Variants in MYZAP observed in about 807,000 individuals in gnomAD.
MYZAP encodes the protein myocardial zonula adherens protein, also known as GRINL1A complex locus upstream.
MYZAP carries 66 observed loss-of-function variants against 69.4 expected under a neutral mutation model. That is an observed-to-expected ratio of 0.95 (90% confidence interval 0.78 to 1.17). The LOEUF is 1.17. Among genes scored for constraint, MYZAP ranks in the 50% most tolerant of loss-of-function variants. The pLI is 0.00. For missense variants in MYZAP, 611 were observed against 556.2 expected, an observed-to-expected ratio of 1.10 and a Z score of -0.99; for synonymous variants, 256 against 205.9, an observed-to-expected ratio of 1.24 and a Z score of -2.09.
At chr15:57,595,961 C>T (rs1253581592) in intron 1 of MYZAP, among the ~76,000 whole-genome samples, 11 of 152,162 alleles carry the variant, frequency 7.2e-5, no homozygotes, top group African/African-American at 2.4e-4. Context: ...GGAACCAAGG[C>T]GTCCTCTGGG....
At position 57,591,928 on chromosome 15, in the gene MYZAP, A is replaced by G. The variant is rs2033684330; in HGVS notation, c.-107A>G. ...CCTTCGCGGTGCAGCTGAGGCTGCA[A>G]GTAGCCGGCGCCGTCCCGCGTCGCC... On this transcript the variant is annotated 5_prime_UTR_variant, in exon 1 of 13. Transcript: ENST00000267853. 4 of 1,092,628 alleles carry G rather than the reference A, an allele frequency of 3.7e-6. No homozygotes were observed. In the South Asian group the frequency reaches 1.5e-4, roughly 42 times the overall value. 67.7% of individuals were successfully genotyped at this position (1,092,628 alleles called of 1,614,324 possible). A position where few individuals can be genotyped will look rare whatever the true frequency, so the allele number is the denominator to read the frequency against.
intron 11 of MYZAP, among the ~76,000 whole-genome samples, chr15:57,662,749 G>T (rs919743368): frequency 2.6e-5 from 4 of 152,174 alleles, no homozygotes; most frequent in Admixed American, 6.5e-5. Context: ...TCTGCCCAAG[G>T]TTACAGTAGA....
intron 12 of MYZAP, among the ~76,000 whole-genome samples, chr15:57,676,868 G>A (rs1323703710): frequency 1.3e-5 from 2 of 152,168 alleles, no homozygotes; most frequent in African/African-American, 4.8e-5. Context: ...GAACTTGGAA[G>A]CCACTTCAGT....
intron 10 of MYZAP, among the ~76,000 whole-genome samples, chr15:57,651,960 T>C (rs1330813009): frequency 6.6e-6 from 1 of 152,162 alleles, no homozygotes; most frequent in Admixed American, 6.5e-5. Context: ...AATTACATTA[T>C]TTTACCTCAG....
intron 8 of MYZAP, among the ~76,000 whole-genome samples, chr15:57,634,877 G>A (rs187900902): frequency 6.6e-6 from 1 of 152,174 alleles, no homozygotes; most frequent in African/African-American, 2.4e-5. Context: ...TTGACCAGAG[G>A]GGGTGGTGGT....
intron 11 of MYZAP, among the ~76,000 whole-genome samples, chr15:57,671,155 T>C (rs1289168785): frequency 3.9e-5 from 6 of 152,158 alleles, no homozygotes; most frequent in African/African-American, 7.2e-5. Flanking sequence ...TTTTCTTATC[T>C]GAAAGTAAGG....
intron 11 of MYZAP, among the ~76,000 whole-genome samples, chr15:57,671,424 C>T (rs2038861666): frequency 6.6e-6 from 1 of 151,988 alleles, no homozygotes; most frequent in Non-Finnish European, 1.5e-5. Flanking sequence ...AAATTTATGT[C>T]TTTAACTAAA....
At chr15:57,612,921 A>G (rs561661973) in intron 2 of MYZAP, among the ~76,000 whole-genome samples, 1 of 152,032 alleles carries the variant, frequency 6.6e-6, no homozygotes, top group Admixed American at 6.5e-5. Context: ...CTACACTTTA[A>G]TTAAGCCTTT....
chr15:57,616,036 C>G (rs2035418493), intron 2 of MYZAP, among the ~76,000 whole-genome samples: 1 of 152,192 alleles, frequency 6.6e-6, no homozygotes, highest in Non-Finnish European at 1.5e-5. Context: ...GCGCCCCTAC[C>G]CCATCCATGG....
At chr15:57,597,041 T>C (rs1487334122) in intron 1 of MYZAP, among the ~76,000 whole-genome samples, 1 of 152,180 alleles carries the variant, frequency 6.6e-6, no homozygotes, top group Non-Finnish European at 1.5e-5. Flanking sequence ...ACAGTTAACA[T>C]TGAATTGGCA....
chr15:57,679,375 T>TGTGTG (rs1555465672), intron 12 of MYZAP, among the ~76,000 whole-genome samples: 14,627 of 114,828 alleles, frequency 0.13, 918 homozygotes, highest in Admixed American at 0.18. Context: ...TGTGTGTGTG[T>TGTGTG]TTCTCTCTCT....
At chr15:57,600,008 A>G (rs963765520) in intron 1 of MYZAP, among the ~76,000 whole-genome samples, 6 of 152,214 alleles carry the variant, frequency 3.9e-5, no homozygotes, top group African/African-American at 1.4e-4. Flanking sequence ...AAAACCTTAC[A>G]TATCTTAACA....
chr15:57,633,659 A>G lies in MYZAP; in HGVS notation c.851A>G (p.Lys284Arg), dbSNP rs2036640387. Residue 284 changes from lysine to arginine, a missense_variant, in exon 8 of 13, where the codon AAG becomes AGG. Lys to Arg is a conservative substitution (Grantham distance 26, BLOSUM62 2). Coordinates refer to ENST00000267853, the MANE Select transcript of MYZAP (RefSeq NM_001018100.5). ...AAAGCGATTGAAGAAGCCAATAAAA[A>G]GATGCAAGCAGCAGAGATCAGCCTA... is the stretch of plus-strand genomic sequence containing the variant. ...FLKAIEEANK[K>R]MQAAEISLEE... 1 of 1,613,630 alleles carries G rather than the reference A, an allele frequency of 6.2e-7. No individual in the cohort carries two copies. Among genetic ancestry groups the G allele is most frequent in the Non-Finnish European group, 8.5e-7 (1 of 1,179,782 alleles).
intron 2 of MYZAP, among the ~76,000 whole-genome samples, chr15:57,609,728 A>T (rs1167181514): frequency 8.5e-5 from 13 of 152,226 alleles, no homozygotes; most frequent in African/African-American, 3.1e-4. Context: ...CATTAATAAT[A>T]TGGGAGGGAG....
chr15:57,611,441 T>C (rs1175255143), intron 2 of MYZAP, among the ~76,000 whole-genome samples: 1 of 152,138 alleles, frequency 6.6e-6, no homozygotes, highest in Non-Finnish European at 1.5e-5. Context: ...TTTTTTTTTC[T>C]CCCGTGTATT....
intron 11 of MYZAP, among the ~76,000 whole-genome samples, chr15:57,668,873 GATATAT>G (rs34433014): frequency 3.0e-4 from 40 of 134,184 alleles, no homozygotes; most frequent in East Asian, 1.1e-3. Flanking sequence ...GTCTGTTGAA[GATATAT>G]ATATATATAT....
At chr15:57,647,827 T>A in intron 10 of MYZAP, 1 of 985,456 alleles carries the variant, frequency 1.0e-6, no homozygotes, top group Non-Finnish European at 1.2e-6. Flanking sequence ...TGCTCTTGTC[T>A]GCCTTTGCTG....
intron 10 of MYZAP, chr15:57,646,027 A>C (rs971045506): frequency 3.8e-6 from 2 of 525,242 alleles, no homozygotes; most frequent in Non-Finnish European, 6.5e-6. Context: ...CCCTGTGTTT[A>C]GAGGATTTCA....
At chr15:57,615,788 G>C (rs991957846) in intron 2 of MYZAP, among the ~76,000 whole-genome samples, 4 of 152,154 alleles carry the variant, frequency 2.6e-5, no homozygotes, top group Non-Finnish European at 5.9e-5. Flanking sequence ...GATAGCATCA[G>C]TGCCTTTGGG....
Sources: allele counts gnomAD v4.1 joint callset (sites outside exome capture counted in the v4.1 genomes callset), GRCh38; gene constraint gnomAD v4.1.1; transcripts MANE v1.5; gene names NCBI Gene and HGNC (gene_info 2026-07-23, HGNC 2026-07-21).